Variants in AFG2A observed in about 807,000 individuals in gnomAD.
The protein encoded by AFG2A is AAA ATPase AFG2A.
At chr4:123,005,706 G>T in the AFG2A span, among the ~76,000 whole-genome samples, 13 of 152,226 alleles carry the variant, frequency 8.5e-5, no homozygotes, top group African/African-American at 2.9e-4. Flanking sequence ...ATTTAGTTCA[G>T]TATATTTTAG....
the AFG2A span, among the ~76,000 whole-genome samples, chr4:122,939,973 A>G: frequency 1.3e-5 from 2 of 152,166 alleles, no homozygotes; most frequent in Non-Finnish European, 2.9e-5. Context: ...ATCATTTTTT[A>G]TGGCTGCATA....
the AFG2A span, among the ~76,000 whole-genome samples, chr4:122,950,160 G>A: frequency 2.0e-5 from 3 of 152,278 alleles, no homozygotes; most frequent in South Asian, 4.1e-4. Flanking sequence ...ACGGCTGCTG[G>A]TAAGCAGCGT....
the AFG2A span, among the ~76,000 whole-genome samples, chr4:123,071,129 AT>A: frequency 1.3e-5 from 2 of 152,202 alleles, no homozygotes; most frequent in East Asian, 3.8e-4. Flanking sequence ...TTGGGAAACA[AT>A]TCTTTTCAAA....
chr4:123,206,191 A>G, the AFG2A span, among the ~76,000 whole-genome samples: 2 of 152,222 alleles, frequency 1.3e-5, no homozygotes, highest in South Asian at 4.2e-4. Context: ...GGAATGTAAC[A>G]GGAGACTTCC....
At chr4:123,063,373 G>A in the AFG2A span, among the ~76,000 whole-genome samples, 16,434 of 152,118 alleles carry the variant, frequency 0.11, 993 homozygotes, top group Middle Eastern at 0.21. Flanking sequence ...GATTTAATTC[G>A]TCCAAAGCTA....
At chr4:122,934,056 A>C in the AFG2A span, 1 of 1,507,830 alleles carries the variant, frequency 6.6e-7, no homozygotes, top group Non-Finnish European at 8.9e-7. Context: ...ACTGGTAAAA[A>C]AAATTATGCT....
At chr4:123,254,974 T>A in the AFG2A span, among the ~76,000 whole-genome samples, 1 of 152,122 alleles carries the variant, frequency 6.6e-6, no homozygotes, top group Non-Finnish European at 1.5e-5. Flanking sequence ...GCTACAGATT[T>A]TTTTTTTTAA....
At chr4:123,269,324 A>G in the AFG2A span, among the ~76,000 whole-genome samples, 1 of 152,352 alleles carries the variant, frequency 6.6e-6, no homozygotes, top group East Asian at 1.9e-4. Flanking sequence ...TCCACAGAGC[A>G]GTTTAAAAAC....
the AFG2A span, among the ~76,000 whole-genome samples, chr4:123,109,292 T>C: frequency 2.6e-5 from 4 of 152,180 alleles, no homozygotes; most frequent in South Asian, 2.1e-4. Flanking sequence ...TAAGCCAAGA[T>C]TGGAAAACTA....
chr4:123,075,977 A>AAC, the AFG2A span, among the ~76,000 whole-genome samples: 1 of 14,130 alleles, frequency 7.1e-5, no homozygotes, highest in Non-Finnish European at 2.1e-4. Flanking sequence ...CAACAACAAC[A>AAC]AAAAAAAAAA....
At chr4:122,967,766 G>A in the AFG2A span, among the ~76,000 whole-genome samples, 1 of 152,072 alleles carries the variant, frequency 6.6e-6, no homozygotes, top group African/African-American at 2.4e-5. Context: ...GCCTCCTGAA[G>A]TGCTGGGATT....
At chr4:123,054,359 T>C in the AFG2A span, among the ~76,000 whole-genome samples, 3 of 152,078 alleles carry the variant, frequency 2.0e-5, no homozygotes, top group Non-Finnish European at 4.4e-5. Flanking sequence ...ATCTTGGTGG[T>C]GTCACTCTAT....
the AFG2A span, among the ~76,000 whole-genome samples, chr4:123,197,822 G>A: frequency 5.3e-5 from 8 of 152,010 alleles, no homozygotes; most frequent in Admixed American, 2.0e-4. Context: ...CTTCATGGAT[G>A]TTTTAAGGGG....
At chr4:123,220,603 G>C in the AFG2A span, among the ~76,000 whole-genome samples, 4 of 95,534 alleles carry the variant, frequency 4.2e-5, no homozygotes, top group South Asian at 1.1e-3. Flanking sequence ...AACAGAGCAA[G>C]ACTCCAACTC....
At chr4:123,141,876 T>G in the AFG2A span, among the ~76,000 whole-genome samples, 21 of 152,290 alleles carry the variant, frequency 1.4e-4, no homozygotes, top group African/African-American at 5.1e-4. Flanking sequence ...TTTTACTCAC[T>G]TGCCACTTTT....
the AFG2A span, among the ~76,000 whole-genome samples, chr4:123,141,445 CAG>C: frequency 6.6e-6 from 1 of 152,166 alleles, no homozygotes; most frequent in Non-Finnish European, 1.5e-5. Context: ...GTCTGGGTGA[CAG>C]AGCGAGACTC....
At chr4:122,991,772 C>T in the AFG2A span, among the ~76,000 whole-genome samples, 885 of 152,012 alleles carry the variant, frequency 5.8e-3, 20 homozygotes, top group Admixed American at 0.032. Flanking sequence ...ACTTAATTTC[C>T]AAAAATTTCT....
the AFG2A span, among the ~76,000 whole-genome samples, chr4:122,974,896 T>G: frequency 6.6e-6 from 1 of 152,078 alleles, no homozygotes; most frequent in Non-Finnish European, 1.5e-5. Context: ...TGCCTTGGCC[T>G]CCCAAAGTGG....
At chr4:123,064,812 C>T in the AFG2A span, among the ~76,000 whole-genome samples, 5 of 152,170 alleles carry the variant, frequency 3.3e-5, no homozygotes, top group African/African-American at 1.2e-4. Flanking sequence ...GAACTAGGAA[C>T]ATATTCCTGA....
Sources: allele counts gnomAD v4.1 joint callset (sites outside exome capture counted in the v4.1 genomes callset), GRCh38; gene constraint gnomAD v4.1.1; transcripts MANE v1.5; gene names NCBI Gene and HGNC (gene_info 2026-07-23, HGNC 2026-07-21).